The following GULP1 variants were observed in gnomAD, a reference collection of about 807,000 sequenced individuals.
GULP1 encodes the protein PTB domain-containing engulfment adapter protein 1.
A neutral mutation model predicts 40.9 loss-of-function variants in GULP1; 19 were observed. That is an observed-to-expected ratio of 0.46 (90% confidence interval 0.32 to 0.68). GULP1 has a LOEUF of 0.68. Among genes scored for constraint, GULP1 ranks in the 30% least tolerant of loss-of-function variants. The probability of loss-of-function intolerance (pLI) is 0.03; values close to 1 mark genes in which losing one functional copy is unlikely to be tolerated. For missense variants in GULP1, 312 were observed against 362.2 expected (o/e 0.86, Z 1.12); for synonymous variants, 119 against 117.6 (o/e 1.01, Z -0.08).
chr2:188,552,734 T>G (rs1182454789), intron 7 of GULP1, among the ~76,000 whole-genome samples: 1 of 151,706 alleles, frequency 6.6e-6, no homozygotes, highest in Non-Finnish European at 1.5e-5. Flanking sequence ...TATTATTTCT[T>G]ATGATCCATG....
intron 2 of GULP1, among the ~76,000 whole-genome samples, chr2:188,457,614 A>G (rs1472433679): frequency 6.6e-6 from 1 of 152,186 alleles, no homozygotes; most frequent in Non-Finnish European, 1.5e-5. Flanking sequence ...ATACAGTACA[A>G]TAAAGGGATA....
At chr2:188,585,097 C>A (rs894174647) in intron 10 of GULP1, among the ~76,000 whole-genome samples, 19 of 152,160 alleles carry the variant, frequency 1.2e-4, no homozygotes, top group African/African-American at 4.6e-4. Context: ...AAGTTTGAAA[C>A]CCGGTGGGGC....
intron 1 of GULP1, among the ~76,000 whole-genome samples, chr2:188,370,228 A>C (rs557942151): frequency 6.6e-6 from 1 of 152,302 alleles, no homozygotes; most frequent in South Asian, 2.1e-4. Context: ...GATGACATTC[A>C]CAGATGAGAT....
intron 7 of GULP1, among the ~76,000 whole-genome samples, chr2:188,559,645 A>G (rs1695736641): frequency 6.6e-6 from 1 of 152,170 alleles, no homozygotes; most frequent in Non-Finnish European, 1.5e-5. Flanking sequence ...TTAATGCTTA[A>G]CTGAGTTAAG....
chr2:188,418,395 G>T (rs1335725906), intron 2 of GULP1, among the ~76,000 whole-genome samples: 1 of 152,098 alleles, frequency 6.6e-6, no homozygotes, highest in African/African-American at 2.4e-5. Context: ...ACTTTGGGAG[G>T]CCAAGGTGGC....
At chr2:188,409,012 G>A (rs2053515838) in intron 2 of GULP1, among the ~76,000 whole-genome samples, 1 of 151,990 alleles carries the variant, frequency 6.6e-6, no homozygotes, top group African/African-American at 2.4e-5. Context: ...AGAAAGTTTA[G>A]GGCAGTAAAC....
intron 2 of GULP1, among the ~76,000 whole-genome samples, chr2:188,430,563 C>G (rs1046782896): frequency 1.8e-4 from 27 of 152,184 alleles, no homozygotes; most frequent in Non-Finnish European, 5.9e-5. Context: ...ACACTTTAAA[C>G]ATATGTTTGG....
At chr2:188,320,904 C>T (rs2039875882) in intron 1 of GULP1, among the ~76,000 whole-genome samples, 1 of 150,376 alleles carries the variant, frequency 6.6e-6, no homozygotes, top group South Asian at 2.1e-4. Flanking sequence ...TTTTTGTACT[C>T]TCCTCCTCCA....
chr2:188,377,823 A>C (rs1424133314), intron 1 of GULP1, among the ~76,000 whole-genome samples: 1 of 152,230 alleles, frequency 6.6e-6, no homozygotes, highest in South Asian at 2.1e-4. Flanking sequence ...ATTGTAATTC[A>C]ATTTTCCTAT....
intron 2 of GULP1, among the ~76,000 whole-genome samples, chr2:188,388,791 A>G (rs1349879412): frequency 6.6e-6 from 1 of 152,178 alleles, no homozygotes. Context: ...TACCTGTATG[A>G]CAAACAAATG....
At chr2:188,296,492 G>A (rs1193041264) in intron 1 of GULP1, among the ~76,000 whole-genome samples, 2 of 152,060 alleles carry the variant, frequency 1.3e-5, no homozygotes, top group African/African-American at 4.8e-5. Context: ...GTGTGGGATA[G>A]TAAGTGTCAA....
chr2:188,437,118 G>A (rs906322030), intron 2 of GULP1, among the ~76,000 whole-genome samples: 1 of 152,000 alleles, frequency 6.6e-6, no homozygotes, highest in Non-Finnish European at 1.5e-5. Context: ...CATATTATAT[G>A]CTAATATCTG....
chr2:188,487,798 T>C (rs982728423), intron 4 of GULP1, among the ~76,000 whole-genome samples: 1 of 152,030 alleles, frequency 6.6e-6, no homozygotes, highest in Non-Finnish European at 1.5e-5. Context: ...GTCAGAGTTT[T>C]ACATATGACA....
intron 4 of GULP1, among the ~76,000 whole-genome samples, chr2:188,507,805 T>C (rs1398685695): frequency 3.3e-5 from 5 of 151,966 alleles, no homozygotes; most frequent in African/African-American, 1.2e-4. Flanking sequence ...ATATTTCAAT[T>C]AATAAATGGA....
chr2:188,295,958 G>A (rs557877202), intron 1 of GULP1, among the ~76,000 whole-genome samples: 1 of 152,146 alleles, frequency 6.6e-6, no homozygotes, highest in East Asian at 1.9e-4. Flanking sequence ...TTAGCAGAGT[G>A]ATGTATTTGT....
intron 1 of GULP1, among the ~76,000 whole-genome samples, chr2:188,368,243 ATG>A (rs2047065790): frequency 6.6e-6 from 1 of 152,176 alleles, no homozygotes; most frequent in South Asian, 2.1e-4. Context: ...CTGAGAAAGA[ATG>A]TGTTTTTTCT....
At chr2:188,365,840 G>A (rs1320642082) in intron 1 of GULP1, among the ~76,000 whole-genome samples, 1 of 152,136 alleles carries the variant, frequency 6.6e-6, no homozygotes, top group Non-Finnish European at 1.5e-5. Context: ...CCTTGAAGTG[G>A]GCGATATGGT....
chr2:188,388,790 G>A (rs1436629755), intron 2 of GULP1, among the ~76,000 whole-genome samples: 12 of 152,100 alleles, frequency 7.9e-5, no homozygotes, highest in Non-Finnish European at 1.5e-5. Flanking sequence ...GTACCTGTAT[G>A]ACAAACAAAT....
At chr2:188,564,592 T>C (rs534735173) in intron 7 of GULP1, among the ~76,000 whole-genome samples, 2 of 152,042 alleles carry the variant, frequency 1.3e-5, no homozygotes, top group South Asian at 4.1e-4. Context: ...GGGAGAAAGA[T>C]ACCATGTTTA....
Sources: gnomAD v4.1 joint callset for allele counts (sites outside exome capture counted in the v4.1 genomes callset) on GRCh38, gnomAD v4.1.1 for gene constraint, MANE v1.5 for transcripts, NCBI Gene and HGNC (gene_info 2026-07-23, HGNC 2026-07-21) for gene names.